Variants in PCDH9 observed in about 807,000 individuals in gnomAD.
PCDH9 encodes protocadherin-9.
Under a neutral mutation model 70.6 loss-of-function variants are expected in PCDH9, and 24 were observed. That is an observed-to-expected ratio of 0.34 (90% CI 0.25 to 0.48). The LOEUF (loss-of-function observed/expected upper bound fraction) is 0.48, where lower values mean the gene tolerates loss of function less well. Among genes scored for constraint, PCDH9 ranks in the 20% least tolerant of loss-of-function variants. The pLI, the probability that PCDH9 is intolerant of heterozygous loss-of-function variation, is 0.99. For synonymous variants in PCDH9, 562 were observed against 558.5 expected, an observed-to-expected ratio of 1.01 and a Z score of -0.09; for missense variants, 1,281 against 1,503.6, an observed-to-expected ratio of 0.85 and a Z score of 2.45.
At chr13:66,536,841 A>G (rs939644476) in intron 4 of PCDH9, among the ~76,000 whole-genome samples, 4 of 151,902 alleles carry the variant, frequency 2.6e-5, no homozygotes, top group African/African-American at 9.7e-5. Flanking sequence ...GCAGATAGAC[A>G]CCAGTTTTAA....
chr13:66,599,705 C>T (rs2077143417), intron 4 of PCDH9, among the ~76,000 whole-genome samples: 2 of 151,882 alleles, frequency 1.3e-5, no homozygotes, highest in South Asian at 4.1e-4. Context: ...TCACCTCAGC[C>T]TCAGCCTCCC....
chr13:66,796,551 G>A (rs1381643141), intron 3 of PCDH9, among the ~76,000 whole-genome samples: 1 of 152,120 alleles, frequency 6.6e-6, no homozygotes, highest in Non-Finnish European at 1.5e-5. Context: ...AGATGATATT[G>A]AGAAAAAGCA....
At chr13:66,646,233 A>G (rs2077769424) in intron 3 of PCDH9, among the ~76,000 whole-genome samples, 1 of 152,174 alleles carries the variant, frequency 6.6e-6, no homozygotes, top group Non-Finnish European at 1.5e-5. Context: ...CCTTTTCAGG[A>G]TTGAATTATT....
At chr13:66,820,476 G>A (rs899774079) in intron 3 of PCDH9, among the ~76,000 whole-genome samples, 1 of 152,096 alleles carries the variant, frequency 6.6e-6, no homozygotes, top group African/African-American at 2.4e-5. Flanking sequence ...AATGCCATTC[G>A]ACCCAGCAAT....
At chr13:66,499,767 C>T (rs970560008) in intron 4 of PCDH9, among the ~76,000 whole-genome samples, 3 of 152,180 alleles carry the variant, frequency 2.0e-5, no homozygotes, top group Non-Finnish European at 2.9e-5. Flanking sequence ...GCAGATGGGA[C>T]TTAGTTGGAG....
In PCDH9 at chr13:66,602,483, TAACA is replaced by T. The variant is rs950878328; in HGVS notation, c.3340+28723_3340+28726del. ...ATGTGTGTGCTTGTGTCTTAGTTTT[TAACA>T]AACAAATTAAAAAAAAACAACAACA... On this transcript the variant is annotated intron_variant, in intron 4 of 4. Coordinates refer to ENST00000377865, the MANE Select transcript of PCDH9 (RefSeq NM_203487.3). 5.5e-5 allele frequency among the ~76,000 whole-genome samples: 8 copies of T among 145,344 alleles called. 1 individual carries two copies. Among genetic ancestry groups the T allele is most frequent in the African/African-American group, 2.0e-4 (8 of 40,350 alleles).
intron 2 of PCDH9, among the ~76,000 whole-genome samples, chr13:67,124,608 C>T (rs1368534596): frequency 6.6e-6 from 1 of 152,130 alleles, no homozygotes; most frequent in African/African-American, 2.4e-5. Context: ...ACTCAAAGCA[C>T]TTTTCAAGCA....
intron 4 of PCDH9, among the ~76,000 whole-genome samples, chr13:66,529,450 T>A (rs986462834): frequency 9.9e-5 from 15 of 152,106 alleles, no homozygotes; most frequent in Non-Finnish European, 2.1e-4. Flanking sequence ...TTGTATGAAG[T>A]CTTTGAACAG....
chr13:66,315,326 G>A (rs1194904045), intron 4 of PCDH9, among the ~76,000 whole-genome samples: 3 of 152,264 alleles, frequency 2.0e-5, no homozygotes, highest in African/African-American at 7.2e-5. Context: ...GATACTAAAT[G>A]GGTGACAACT....
intron 4 of PCDH9, among the ~76,000 whole-genome samples, chr13:66,464,320 C>A (rs757810029): frequency 5.9e-5 from 9 of 151,534 alleles, no homozygotes; most frequent in Non-Finnish European, 1.2e-4. Context: ...TCTATCAAAA[C>A]CAGAAAACGG....
chr13:66,601,520 T>G (rs1316739109), intron 4 of PCDH9, among the ~76,000 whole-genome samples: 1 of 146,474 alleles, frequency 6.8e-6, no homozygotes, highest in Non-Finnish European at 1.5e-5. Context: ...AGCTAACTAA[T>G]CAGGCCACAC....
intron 4 of PCDH9, among the ~76,000 whole-genome samples, chr13:66,426,280 T>C (rs966363491): frequency 6.6e-6 from 1 of 151,482 alleles, no homozygotes; most frequent in African/African-American, 2.4e-5. Flanking sequence ...TAGTACAACC[T>C]AATGAGAGCA....
chr13:66,985,922 A>G (rs1345656237), intron 2 of PCDH9: 1 of 152,080 alleles, frequency 6.6e-6, no homozygotes, highest in East Asian at 1.9e-4. Flanking sequence ...CATTATATCC[A>G]TTCTCTTAGC....
At chr13:66,785,828 CTT>C (rs1177894280) in intron 3 of PCDH9, among the ~76,000 whole-genome samples, 1 of 149,348 alleles carries the variant, frequency 6.7e-6, no homozygotes, top group Non-Finnish European at 1.5e-5. Context: ...ATTGTGAAGA[CTT>C]TATGGGTTTT....
intron 2 of PCDH9, among the ~76,000 whole-genome samples, chr13:66,967,542 T>C (rs2083450376): frequency 6.6e-6 from 1 of 151,958 alleles, no homozygotes; most frequent in Non-Finnish European, 1.5e-5. Context: ...TTCCTAATAT[T>C]GAGACATACA....
chr13:66,330,675 A>G (rs1172207858), intron 4 of PCDH9, among the ~76,000 whole-genome samples: 1 of 152,206 alleles, frequency 6.6e-6, no homozygotes, highest in Admixed American at 6.5e-5. Flanking sequence ...CTGGTATAGT[A>G]GAGTTAAAAT....
chr13:66,722,566 C>A (rs2139156059), intron 3 of PCDH9, among the ~76,000 whole-genome samples: 1 of 152,182 alleles, frequency 6.6e-6, no homozygotes, highest in South Asian at 2.1e-4. Flanking sequence ...CTGAAATTCT[C>A]CTGTGAAAGA....
intron 2 of PCDH9, chr13:67,204,670 T>C (rs2089296594): frequency 6.6e-6 from 1 of 152,202 alleles, no homozygotes; most frequent in Non-Finnish European, 1.5e-5. Context: ...AGGCATAATG[T>C]CACTACAAAT....
Position 66,447,116 on chromosome 13 carries a change from C to T in PCDH9, c.3341-142088G>A, listed in dbSNP as rs528980705. On this transcript the variant is annotated intron_variant, in intron 4 of 4. Coordinates refer to ENST00000377865, the MANE Select transcript of PCDH9 (RefSeq NM_203487.3). ...AAAAATTAGGAATAAAAAATGCATA[C>T]TTCTCTATTTACGGTCGGAAATATT... Among the ~76,000 whole-genome samples, 8 of 152,084 alleles carry T rather than the reference C, an allele frequency of 5.3e-5. No homozygotes were observed. The East Asian group carries it at 9.6e-4, about 18-fold the overall frequency.
Sources: allele counts gnomAD v4.1 joint callset (sites outside exome capture counted in the v4.1 genomes callset), GRCh38; gene constraint gnomAD v4.1.1; transcripts MANE v1.5; gene names NCBI Gene and HGNC (gene_info 2026-07-23, HGNC 2026-07-21).